Variants in SORCS3 observed in about 807,000 individuals in gnomAD.
The protein encoded by SORCS3 is VPS10 domain-containing receptor SorCS3.
SORCS3 carries 57 observed loss-of-function variants against 146.3 expected under a neutral mutation model. That is an observed-to-expected ratio of 0.39 (90% CI 0.31 to 0.49). The LOEUF (loss-of-function observed/expected upper bound fraction) is 0.49, where lower values mean the gene tolerates loss of function less well. Ranked by LOEUF, SORCS3 falls within the 20% of genes least tolerant of loss-of-function variation. The probability of loss-of-function intolerance (pLI) is 0.92; values close to 1 mark genes in which losing one functional copy is unlikely to be tolerated. For missense variants in SORCS3, 1,341 were observed against 1,575.5 expected (o/e 0.85, Z 2.52); for synonymous variants, 653 against 618.5 (o/e 1.06, Z -0.83).
At chr10:104,665,753 C>T (rs2015767363) in intron 1 of SORCS3, 1 of 152,154 alleles carries the variant, frequency 6.6e-6, no homozygotes, top group African/African-American at 2.4e-5. Flanking sequence ...GTTTGAGTTT[C>T]TCTAGGAATT....
At chr10:104,794,905 A>C (rs1397715735) in intron 1 of SORCS3, among the ~76,000 whole-genome samples, 1 of 152,126 alleles carries the variant, frequency 6.6e-6, no homozygotes, top group Non-Finnish European at 1.5e-5. Context: ...ACCCTAAGAA[A>C]AGCCATAGAT....
intron 13 of SORCS3, among the ~76,000 whole-genome samples, chr10:105,174,447 A>G (rs1055931876): frequency 2.6e-5 from 4 of 152,102 alleles, no homozygotes; most frequent in African/African-American, 7.2e-5. Flanking sequence ...AATAATAATA[A>G]TAATAATAAT....
chr10:104,643,976 C>T (rs531018167), intron 1 of SORCS3, among the ~76,000 whole-genome samples: 1 of 152,300 alleles, frequency 6.6e-6, no homozygotes, highest in African/African-American at 2.4e-5. Flanking sequence ...AGAGAAAATG[C>T]TTCCTGCAAA....
intron 3 of SORCS3, among the ~76,000 whole-genome samples, chr10:104,931,333 C>T (rs533330622): frequency 6.6e-6 from 1 of 152,284 alleles, no homozygotes; most frequent in South Asian, 2.1e-4. Context: ...CTACAGAAGA[C>T]CCTGACATTA....
At chr10:105,131,704 G>A (rs1371710859) in intron 7 of SORCS3, among the ~76,000 whole-genome samples, 2 of 152,088 alleles carry the variant, frequency 1.3e-5, no homozygotes, top group African/African-American at 4.8e-5. Context: ...TGGCTTCTAG[G>A]GAGACCTCAG....
intron 8 of SORCS3, among the ~76,000 whole-genome samples, chr10:105,140,175 A>T (rs1313106551): frequency 6.6e-6 from 1 of 152,180 alleles, no homozygotes; most frequent in African/African-American, 2.4e-5. Flanking sequence ...TTGGACACAT[A>T]TCAGGTGTAA....
chr10:104,926,387 G>A (rs2019145928), intron 3 of SORCS3, among the ~76,000 whole-genome samples: 1 of 152,064 alleles, frequency 6.6e-6, no homozygotes, highest in African/African-American at 2.4e-5. Flanking sequence ...GCAGTGTTTT[G>A]GAGATGGGTT....
intron 1 of SORCS3, among the ~76,000 whole-genome samples, chr10:104,767,057 TC>T (rs1238343773): frequency 1.3e-5 from 2 of 152,234 alleles, no homozygotes; most frequent in African/African-American, 4.8e-5. Context: ...AAGTGGTTGT[TC>T]TCAGATTCAC....
chr10:104,673,745 C>G (rs1430741660), intron 1 of SORCS3, among the ~76,000 whole-genome samples: 1 of 152,124 alleles, frequency 6.6e-6, no homozygotes, highest in African/African-American at 2.4e-5. Flanking sequence ...AGCCACTGCA[C>G]CCAGTCTCCT....
intron 5 of SORCS3, among the ~76,000 whole-genome samples, chr10:105,047,989 A>T (rs1223966809): frequency 6.6e-6 from 1 of 152,126 alleles, no homozygotes; most frequent in Admixed American, 6.6e-5. Flanking sequence ...ATGAGATACC[A>T]TCTCACACCA....
chr10:104,826,365 A>G (rs1165434920), intron 1 of SORCS3, among the ~76,000 whole-genome samples: 1 of 152,172 alleles, frequency 6.6e-6, no homozygotes, highest in East Asian at 1.9e-4. Context: ...TCTACACCCC[A>G]TTAGGTACAG....
chr10:104,722,852 A>G (rs904789628), intron 1 of SORCS3, among the ~76,000 whole-genome samples: 5 of 152,096 alleles, frequency 3.3e-5, no homozygotes, highest in Non-Finnish European at 7.4e-5. Context: ...TATTGCGTCT[A>G]TTTGATTCTT....
chr10:104,926,369 C>T (rs978527861), intron 3 of SORCS3, among the ~76,000 whole-genome samples: 6 of 151,930 alleles, frequency 3.9e-5, no homozygotes, highest in South Asian at 2.1e-4. Context: ...AGTTACCAAG[C>T]GGCTAGAGCA....
intron 4 of SORCS3, among the ~76,000 whole-genome samples, chr10:104,983,883 C>G (rs2054946221): frequency 6.6e-6 from 1 of 152,076 alleles, no homozygotes; most frequent in African/African-American, 2.4e-5. Flanking sequence ...GCCTTTTAAA[C>G]TCAGGGTCAT....
chr10:104,790,664 G>A (rs1315042455), intron 1 of SORCS3, among the ~76,000 whole-genome samples: 2 of 152,170 alleles, frequency 1.3e-5, no homozygotes, highest in African/African-American at 2.4e-5. Context: ...CCCTAAAAAT[G>A]TATAAGCTCT....
intron 5 of SORCS3, among the ~76,000 whole-genome samples, chr10:105,073,267 G>T (rs1169804288): frequency 3.9e-5 from 6 of 152,150 alleles, no homozygotes; most frequent in South Asian, 2.1e-4. Flanking sequence ...TCTATGTGCA[G>T]GTTCCAGGTG....
intron 19 of SORCS3, among the ~76,000 whole-genome samples, chr10:105,219,965 T>C (rs1400261027): frequency 6.6e-6 from 1 of 152,216 alleles, no homozygotes. Flanking sequence ...CAATCATGGC[T>C]GCATTTTCCA....
intron 1 of SORCS3, among the ~76,000 whole-genome samples, chr10:104,710,838 A>G (rs970301803): frequency 1.5e-4 from 23 of 152,212 alleles, no homozygotes; most frequent in African/African-American, 5.5e-4. Context: ...CAGCATCACC[A>G]TAAAAAGGCA....
At chr10:105,150,131 T>G (rs544692712) in intron 9 of SORCS3, among the ~76,000 whole-genome samples, 39 of 152,298 alleles carry the variant, frequency 2.6e-4, no homozygotes, top group African/African-American at 8.9e-4. Flanking sequence ...CAATCTAGTT[T>G]GTTGGGTTTT....
Sources: gnomAD v4.1 joint callset for allele counts (sites outside exome capture counted in the v4.1 genomes callset) on GRCh38, gnomAD v4.1.1 for gene constraint, MANE v1.5 for transcripts, NCBI Gene and HGNC (gene_info 2026-07-23, HGNC 2026-07-21) for gene names.